Variants in DNAH8 observed in about 807,000 individuals in gnomAD.
DNAH8 encodes axonemal beta dynein heavy chain 8.
In DNAH8, 382 loss-of-function variants were observed where a neutral mutation model predicts 562.1. The ratio of observed to expected loss-of-function variants is 0.68; its 90% CI spans 0.63 to 0.74. The LOEUF (loss-of-function observed/expected upper bound fraction) is 0.74. DNAH8 is among the 30% of genes least tolerant of loss of function. The pLI is 0.00. For missense variants in DNAH8, 5,203 were observed against 5,620.4 expected (o/e 0.93, Z 2.37); for synonymous variants, 1,881 against 1,919.4 (o/e 0.98, Z 0.52).
In DNAH8 at chr6:38,850,584, G is replaced by A. The variant is rs1738186; in HGVS notation, c.5363+170G>A. On this transcript the variant is annotated intron_variant, in intron 38 of 92. Coordinates refer to ENST00000327475, the MANE Select transcript of DNAH8 (RefSeq NM_001206927.2). ...TCTGTGAGGAAGACACCTTTGACTT[G>A]GGGGTGGTTAAGGCATTGTATTAGT... 0.1 allele frequency among the ~76,000 whole-genome samples: 15,692 copies of A among 152,116 alleles called. 2,549 individuals carry two copies. The highest frequency in any genetic ancestry group is 0.35 in the African/African-American group (14,325 of 41,420).
intron 53 of DNAH8, among the ~76,000 whole-genome samples, chr6:38,878,063 A>G (rs1016464112): frequency 1.2e-4 from 19 of 152,354 alleles, no homozygotes; most frequent in African/African-American, 4.3e-4. Context: ...GCAGAGCACC[A>G]GAGAGGAGAA....
rs766042622 is a variant in DNAH8 at position 38,783,006 on chromosome 6, A to G, written c.2262A>G (p.Lys754=). ...RISEPINYFF[K]NSDILSSPDG... Reference sequence around the variant, plus strand: ...AATCTTTTCCCTTAAAAAAACAGAAAAACTCAGACATTTTATCAAGTCCGG... The same window carrying G: ...AATCTTTTCCCTTAAAAAAACAGAAGAACTCAGACATTTTATCAAGTCCGG... The change falls in exon 17 of 93, where the codon AAA becomes AAG. Residue 754 remains lysine, a splice_region_variant and synonymous_variant. Coordinates refer to ENST00000327475, the MANE Select transcript of DNAH8 (RefSeq NM_001206927.2). 1 of 1,610,004 alleles carries G rather than the reference A, an allele frequency of 6.2e-7. No homozygotes were observed. The highest frequency in any genetic ancestry group is 8.5e-7 in the Non-Finnish European group (1 of 1,178,956).
intron 52 of DNAH8, among the ~76,000 whole-genome samples, chr6:38,873,753 C>CACACACACACACACACACAT (rs1554123987): frequency 4.0e-5 from 4 of 99,178 alleles, no homozygotes; most frequent in Non-Finnish European, 8.2e-5. Context: ...CACACACACA[C>CACACACACACACACACACAT]ACACACACAC....
intron 81 of DNAH8, among the ~76,000 whole-genome samples, chr6:38,949,899 T>C (rs536581362): frequency 1.6e-4 from 24 of 152,250 alleles, no homozygotes; most frequent in African/African-American, 5.8e-4. Context: ...TGATTTACCA[T>C]TGAGTGTAAA....
chr6:38,866,646 G>C lies in DNAH8; in HGVS notation c.6554G>C (p.Arg2185Thr), dbSNP rs999609652. The C allele has an allele frequency of 5.0e-6, 8 of 1,613,004 alleles. No individual in the cohort carries two copies. Among genetic ancestry groups the C allele is most frequent in the Non-Finnish European group, 6.8e-6 (8 of 1,179,728 alleles). The change falls in exon 46 of 93, where the codon AGA becomes ACA. Residue 2185 changes from arginine (R) to threonine (T), a missense_variant. Around this residue, in one of 6 missense-constraint regions of DNAH8, gnomAD observed 2,176 missense variants for 2,365.1 expected, o/e 0.92. Transcript: ENST00000327475. ...ELPENLKIQF[R>T]TVAMMVPDRQ... ...CCAGAAAACCTAAAAATCCAGTTTA[G>C]AACTGTTGCTATGATGGTTCCTGAT... is the stretch of plus-strand genomic sequence containing the variant.
At chr6:38,978,500 G>A (rs548577371) in intron 85 of DNAH8, among the ~76,000 whole-genome samples, 1 of 152,248 alleles carries the variant, frequency 6.6e-6, no homozygotes, top group South Asian at 2.1e-4. Flanking sequence ...TATGATACTG[G>A]TTTATCTTTT....
chr6:38,799,129 C>T (rs1204307800), intron 21 of DNAH8, among the ~76,000 whole-genome samples: 4 of 152,138 alleles, frequency 2.6e-5, no homozygotes, highest in Non-Finnish European at 4.4e-5. Context: ...CATGGAGTGT[C>T]TGGCAATATG....
intron 74 of DNAH8, chr6:38,929,261 T>C: frequency 3.4e-6 from 1 of 296,666 alleles, no homozygotes; most frequent in Middle Eastern, 9.5e-4. Context: ...ACATTGCATC[T>C]GAGCAATGCC....
rs148223881 is a variant in DNAH8 at position 38,936,768 on chromosome 6, C to T, written c.11563+1071C>T. 1.5e-3 allele frequency among the ~76,000 whole-genome samples: 223 copies of T among 152,270 alleles called. 1 individual carries two copies. Among genetic ancestry groups the T allele is most frequent in the African/African-American group, 5.1e-3 (212 of 41,554 alleles). ...AAGAGTGTGCTGGATCAAGACCTCT[C>T]TCCTTGAGGTTAATCCCAATTTGGA... On this transcript the variant is annotated intron_variant, in intron 77 of 92. Transcript: ENST00000327475.
chr6:39,028,960 G>A (rs75035950), intron 92 of DNAH8, among the ~76,000 whole-genome samples: 3,814 of 152,256 alleles, frequency 0.025, 166 homozygotes, highest in African/African-American at 0.087. Context: ...GTTCTAATCA[G>A]CATTTACTTC....
chr6:38,939,635 T>TCTTA (rs1783270992), intron 79 of DNAH8, among the ~76,000 whole-genome samples: 1 of 151,990 alleles, frequency 6.6e-6, no homozygotes, highest in African/African-American at 2.4e-5. Flanking sequence ...AAGAAACAAG[T>TCTTA]GTTGAGTCTA....
intron 85 of DNAH8, among the ~76,000 whole-genome samples, chr6:38,979,982 C>A (rs1763920589): frequency 6.6e-6 from 1 of 152,150 alleles, no homozygotes; most frequent in African/African-American, 2.4e-5. Flanking sequence ...GGAAGAAATT[C>A]CAAGAACTAA....
chr6:38,715,960 A>ATATATATATTTTTTTTTT (rs1372342002), intron 1 of DNAH8, among the ~76,000 whole-genome samples: 1 of 23,628 alleles, frequency 4.2e-5, no homozygotes, highest in Non-Finnish European at 6.2e-5. Context: ...ATATATATAT[A>ATATATATATTTTTTTTTT]TTTTTTTTTT....
intron 53 of DNAH8, among the ~76,000 whole-genome samples, chr6:38,880,114 G>A (rs1185376104): frequency 3.9e-5 from 6 of 152,046 alleles, no homozygotes; most frequent in Non-Finnish European, 8.8e-5. Flanking sequence ...AGGTGTTGTG[G>A]TATATGCCCG....
intron 16 of DNAH8, among the ~76,000 whole-genome samples, chr6:38,782,075 G>C (rs1194133731): frequency 6.6e-6 from 1 of 151,710 alleles, no homozygotes; most frequent in Non-Finnish European, 1.5e-5. Flanking sequence ...TAAATATGAA[G>C]ATTCTGTTGT....
chr6:38,929,026 T>C (rs929733504), intron 74 of DNAH8, among the ~76,000 whole-genome samples: 24 of 152,200 alleles, frequency 1.6e-4, no homozygotes, highest in African/African-American at 5.5e-4. Flanking sequence ...CCAGTGCCAA[T>C]AGGAGACAGA....
chr6:39,028,911 G>A (rs1248684716), intron 92 of DNAH8, among the ~76,000 whole-genome samples: 1 of 151,644 alleles, frequency 6.6e-6, no homozygotes, highest in Non-Finnish European at 1.5e-5. Context: ...CCCACAGGGG[G>A]ATTCCAGAAA....
intron 21 of DNAH8, among the ~76,000 whole-genome samples, chr6:38,802,567 G>T (rs1476608554): frequency 6.6e-6 from 1 of 152,184 alleles, no homozygotes; most frequent in African/African-American, 2.4e-5. Context: ...CAGGCATTTT[G>T]AATCAGACAA....
intron 88 of DNAH8, among the ~76,000 whole-genome samples, chr6:38,998,577 T>C (rs190790594): frequency 6.6e-6 from 1 of 152,340 alleles, no homozygotes; most frequent in East Asian, 1.9e-4. Context: ...TTTGAAAAAT[T>C]TATGCTCATT....
Sources: allele counts gnomAD v4.1 joint callset (sites outside exome capture counted in the v4.1 genomes callset), GRCh38; gene constraint gnomAD v4.1.1; regional missense constraint gnomAD v4.1.1; transcripts MANE v1.5; gene names NCBI Gene and HGNC (gene_info 2026-07-23, HGNC 2026-07-21).